Variants in MGAM2 observed in about 807,000 individuals in gnomAD.
The protein encoded by MGAM2 is probable maltase-glucoamylase 2.
MGAM2 carries 98 observed loss-of-function variants against 96.1 expected under a neutral mutation model. The observed-to-expected ratio is 1.02, with a 90% CI of 0.87 to 1.21. The LOEUF is 1.21. Among genes scored for constraint, MGAM2 ranks in the 50% most tolerant of loss-of-function variants. The pLI, the probability that MGAM2 is intolerant of heterozygous loss-of-function variation, is 0.00. For missense variants in MGAM2, 2,055 were observed against 1,182.4 expected, an observed-to-expected ratio of 1.74 and a Z score of -10.82; for synonymous variants, 749 against 414.8, an observed-to-expected ratio of 1.81 and a Z score of -9.79.
In MGAM2 at chr7:142,144,972, G is replaced by A. The variant is rs139060617; in HGVS notation, c.1516+27G>A. The A allele has an allele frequency of 2.1e-4, 149 of 701,782 alleles. 1 individual carries two copies. The highest frequency in any genetic ancestry group is 3.5e-4 in the Non-Finnish European group (135 of 384,436). 43.5% of individuals were successfully genotyped at this position (701,782 alleles called of 1,614,324 possible). ...TAAGTTTTCACCTGTTTGCTATGAC[G>A]TAGGAATAAGCCATGTTTAAAACAC... On this transcript the variant is annotated intron_variant, in intron 14 of 47. Transcript: ENST00000477922.
intron 26 of MGAM2, among the ~76,000 whole-genome samples, chr7:142,167,997 C>T (rs1366165098): frequency 6.6e-6 from 1 of 152,120 alleles, no homozygotes; most frequent in Non-Finnish European, 1.5e-5. Context: ...ACCATGAATT[C>T]CCTATAATGA....
chr7:142,173,144 A>G (rs1796251773), intron 30 of MGAM2, 85 bp from the exon 31 acceptor site: 1 of 677,622 alleles, frequency 1.5e-6, no homozygotes, highest in Admixed American at 2.1e-5. Flanking sequence ...TACTTAGCAG[A>G]AACACTCAAG....
At chr7:142,146,355 A>G (rs1430415317) in intron 14 of MGAM2, among the ~76,000 whole-genome samples, 1 of 152,064 alleles carries the variant, frequency 6.6e-6, no homozygotes, top group Non-Finnish European at 1.5e-5. Context: ...AGAGCACTGA[A>G]GTGGTTGTGA....
At chr7:142,194,036 C>CTT (rs537760392) in intron 37 of MGAM2, among the ~76,000 whole-genome samples, 5 of 145,292 alleles carry the variant, frequency 3.4e-5, no homozygotes, top group African/African-American at 5.1e-5. Flanking sequence ...CTTTCTTCTT[C>CTT]TTTTTTTTTT....
intron 15 of MGAM2, among the ~76,000 whole-genome samples, chr7:142,150,988 T>C (rs1336832161): frequency 6.6e-6 from 1 of 152,212 alleles, no homozygotes; most frequent in Non-Finnish European, 1.5e-5. Flanking sequence ...ATCTCAATGC[T>C]GGGAACTTTC....
At chr7:142,191,420 T>C (rs557616657) in intron 37 of MGAM2, among the ~76,000 whole-genome samples, 1 of 152,356 alleles carries the variant, frequency 6.6e-6, no homozygotes, top group African/African-American at 2.4e-5. Context: ...TTTATAGTTT[T>C]AGGTATTACA....
Position 142,144,958 on chromosome 7 carries a change from C to T in MGAM2, c.1516+13C>T, listed in dbSNP as rs1156563591. ...CCTTTTCTTCCTAGTAAGTTTTCAC[C>T]TGTTTGCTATGACGTAGGAATAAGC... On this transcript the variant is annotated intron_variant, in intron 14 of 47. Coordinates refer to ENST00000477922, the MANE Select transcript of MGAM2 (RefSeq NM_001293626.2). The T allele has an allele frequency of 2.8e-6, 2 of 702,434 alleles. No homozygotes were observed. The highest frequency in any genetic ancestry group is 5.2e-6 in the Non-Finnish European group (2 of 384,782). 43.5% of individuals were successfully genotyped at this position (702,434 alleles called of 1,614,324 possible).
chr7:142,150,904 T>TTGCC (rs1795559151), intron 15 of MGAM2, among the ~76,000 whole-genome samples: 2 of 152,218 alleles, frequency 1.3e-5, no homozygotes, highest in Admixed American at 1.3e-4. Flanking sequence ...CATGTGCTAT[T>TTGCC]TGCCGTGCAC....
chr7:142,180,689 G>A (rs1006672160), intron 32 of MGAM2, among the ~76,000 whole-genome samples: 4 of 151,796 alleles, frequency 2.6e-5, no homozygotes, highest in African/African-American at 7.3e-5. Flanking sequence ...CATAGATTTG[G>A]CCTCTTTACA....
At chr7:142,203,473 T>G (rs1797302372) in intron 45 of MGAM2, among the ~76,000 whole-genome samples, 1 of 152,094 alleles carries the variant, frequency 6.6e-6, no homozygotes, top group Admixed American at 6.5e-5. Context: ...GCAATGTCAT[T>G]TTTCACAGAA....
intron 3 of MGAM2, among the ~76,000 whole-genome samples, chr7:142,130,270 A>G (rs902263618): frequency 3.3e-5 from 5 of 152,020 alleles, no homozygotes; most frequent in Admixed American, 3.3e-4. Context: ...TCTTAGCTTC[A>G]CTTTGCTTAC....
intron 17 of MGAM2, among the ~76,000 whole-genome samples, chr7:142,155,708 T>C (rs1247058372): frequency 6.6e-6 from 1 of 152,204 alleles, no homozygotes; most frequent in African/African-American, 2.4e-5. Flanking sequence ...GTGCTCTTCA[T>C]GAAGCTGTGT....
intron 45 of MGAM2, among the ~76,000 whole-genome samples, chr7:142,201,141 C>A (rs1290939518): frequency 1.6e-5 from 2 of 128,264 alleles, no homozygotes; most frequent in Non-Finnish European, 3.1e-5. Context: ...ACGATCTCAG[C>A]TCACTGCAAC....
chr7:142,162,702 A>G (rs552789799), intron 23 of MGAM2, among the ~76,000 whole-genome samples: 1 of 151,324 alleles, frequency 6.6e-6, no homozygotes, highest in Non-Finnish European at 1.5e-5. Context: ...TAAGGTATAA[A>G]AAATATATAT....
intron 31 of MGAM2, among the ~76,000 whole-genome samples, chr7:142,175,300 A>G (rs1796337916): frequency 6.6e-6 from 1 of 152,186 alleles, no homozygotes; most frequent in Non-Finnish European, 1.5e-5. Context: ...GTTTCCTAGG[A>G]AAGTCCCAGT....
intron 6 of MGAM2, among the ~76,000 whole-genome samples, chr7:142,132,777 AAT>A (rs1225769470): frequency 7.9e-6 from 1 of 126,206 alleles, no homozygotes; most frequent in Non-Finnish European, 1.5e-5. Flanking sequence ...TATATAATAT[AAT>A]ATATAATTAC....
chr7:142,169,666 A>C (rs1796133834), intron 26 of MGAM2, among the ~76,000 whole-genome samples: 1 of 152,186 alleles, frequency 6.6e-6, no homozygotes, highest in African/African-American at 2.4e-5. Flanking sequence ...AACAGTGAGG[A>C]GATCTCAGAG....
chr7:142,217,644 G>A (rs1488557192), intron 46 of MGAM2, among the ~76,000 whole-genome samples: 1 of 152,158 alleles, frequency 6.6e-6, no homozygotes, highest in African/African-American at 2.4e-5. Flanking sequence ...ATAAAGAGAG[G>A]TTGGTTAGTG....
In MGAM2 at chr7:142,165,000, G is replaced by A. The variant is rs756992949; in HGVS notation, c.2629G>A (p.Val877Ile). The A allele has an allele frequency of 5.1e-5, 36 of 701,488 alleles. No homozygotes were observed. The highest frequency in any genetic ancestry group is 1.3e-4 in the South Asian group (9 of 67,256). 43.5% of individuals were successfully genotyped at this position (701,488 alleles called of 1,614,324 possible). Residue 877 changes from valine to isoleucine, a missense_variant, in exon 24 of 48, where the codon GTT becomes ATT. Transcript: ENST00000477922. ...TAATGTTGCCACCTCCAGTCCAAGC[G>A]TTGTCTACAATGCTTCCACAAAGGT... Reference protein sequence around the residue: ...LNNVATSSPSVVYNASTKVVT... With the variant: ...LNNVATSSPSIVYNASTKVVT...
Sources: gnomAD v4.1 joint callset for allele counts (sites outside exome capture counted in the v4.1 genomes callset) on GRCh38, gnomAD v4.1.1 for gene constraint, MANE v1.5 for transcripts, NCBI Gene and HGNC (gene_info 2026-07-23, HGNC 2026-07-21) for gene names.